Variants in MACO1 observed in about 807,000 individuals in gnomAD.
MACO1 encodes the protein macoilin.
MACO1 carries 14 observed loss-of-function variants against 78.7 expected under a neutral mutation model. The ratio of observed to expected loss-of-function variants is 0.18; its 90% CI spans 0.12 to 0.28. The LOEUF (loss-of-function observed/expected upper bound fraction) is 0.28, where lower values mean the gene tolerates loss of function less well. MACO1 is among the 10% of genes least tolerant of loss of function. The pLI, the probability that MACO1 is intolerant of heterozygous loss-of-function variation, is 1.00. For synonymous variants in MACO1, 288 were observed against 291.6 expected, an observed-to-expected ratio of 0.99 and a Z score of 0.12; for missense variants, 501 against 799.0, an observed-to-expected ratio of 0.63 and a Z score of 4.50.
At chr1:25,472,560 G>A (rs80102444) in intron 6 of MACO1, among the ~76,000 whole-genome samples, 2,742 of 152,280 alleles carry the variant, frequency 0.018, 31 homozygotes, top group Middle Eastern at 0.061. Context: ...AGATCCTCCA[G>A]GTTAGAATAT....
At chr1:25,452,757 C>T (rs1393639012) in intron 3 of MACO1, among the ~76,000 whole-genome samples, 12 of 143,596 alleles carry the variant, frequency 8.4e-5, no homozygotes, top group African/African-American at 2.6e-4. Context: ...AGTGCAGTGG[C>T]GCAATCTCGG....
At chr1:25,494,477 A>T (rs1404044842) in intron 10 of MACO1, among the ~76,000 whole-genome samples, 2 of 151,934 alleles carry the variant, frequency 1.3e-5, no homozygotes, top group Non-Finnish European at 2.9e-5. Context: ...AGGGTAGGGG[A>T]CCATGAACGA....
In MACO1 at chr1:25,474,219, C is replaced by T. The variant is rs562284706; in HGVS notation, c.1155-9897C>T. 2.6e-5 allele frequency among the ~76,000 whole-genome samples: 4 copies of T among 152,272 alleles called. No individual in the cohort carries two copies. In the South Asian group the frequency reaches 6.2e-4, roughly 24 times the overall value. ...TACTTTGGGGAGATGCTGAAAATAT[C>T]TTTACGTGAAACCTCTCAGTTAAAA... On this transcript the variant is annotated intron_variant, in intron 6 of 10. Coordinates refer to ENST00000374343, the MANE Select transcript of MACO1 (RefSeq NM_018202.6).
At chr1:25,434,751 A>G (rs2124565893) in intron 1 of MACO1, among the ~76,000 whole-genome samples, 1 of 152,322 alleles carries the variant, frequency 6.6e-6, no homozygotes, top group South Asian at 2.1e-4. Context: ...TTAAGTACCT[A>G]ACTCTTATAT....
chr1:25,498,642 G>A lies in MACO1; in HGVS notation c.*176G>A. On this transcript the variant is annotated 3_prime_UTR_variant, in exon 11 of 11. Transcript: ENST00000374343. The stretch of plus-strand genomic sequence containing the variant: ...CAAGTCTGATTAGAACTGCCCATCA[G>A]TTTTTCTTGTAAATTTTTAGAAGAC... The A allele has an allele frequency of 1.8e-6, 1 of 545,484 alleles. No homozygotes were observed. The highest frequency in any genetic ancestry group is 3.0e-6 in the Non-Finnish European group (1 of 328,710). The allele number at this position is 545,484 out of a possible 1,614,324, so 33.8% of individuals were successfully genotyped here. A position where few individuals can be genotyped will look rare whatever the true frequency, so the allele number is the denominator to read the frequency against.
rs955279889 is a variant in MACO1, at chr1:25,485,648, A to G, written c.1349A>G (p.Lys450Arg). The change falls in exon 8 of 11, where the codon AAG becomes AGG. Residue 450 changes from lysine (K) to arginine (R), a missense_variant. Transcript: ENST00000374343. The surrounding 1 kb of genome is among the most constrained non-coding windows in gnomAD (Gnocchi z 4.3). ...HNAVQMKQKD[K>R]QNISQLEKKL... is the part of the protein sequence containing the mutation. The stretch of plus-strand genomic sequence containing the variant: ...GCTGTGCAAATGAAGCAAAAAGACA[A>G]GCAGAATATCAGCCAGTTGGAGAAA... 2 of 1,614,142 alleles carry G rather than the reference A, an allele frequency of 1.2e-6. No individual in the cohort carries two copies. The highest frequency in any genetic ancestry group is 1.7e-5 in the Admixed American group (1 of 60,004).
chr1:25,488,805 A>T (rs770576732), intron 8 of MACO1, among the ~76,000 whole-genome samples: 18 of 151,460 alleles, frequency 1.2e-4, no homozygotes, highest in Non-Finnish European at 1.9e-4. Context: ...CTTTTTTAAA[A>T]TTTTATTTAT....
At chr1:25,447,640 A>C (rs2043027737) in intron 2 of MACO1, among the ~76,000 whole-genome samples, 1 of 152,226 alleles carries the variant, frequency 6.6e-6, no homozygotes, top group Non-Finnish European at 1.5e-5. Context: ...CTGTTACTGT[A>C]TCACATGTCA....
intron 6 of MACO1, among the ~76,000 whole-genome samples, chr1:25,468,528 A>G (rs1423468259): frequency 6.6e-6 from 1 of 152,208 alleles, no homozygotes; most frequent in Non-Finnish European, 1.5e-5. Flanking sequence ...CATGGAAAAG[A>G]AAGTGCCTTT....
At chr1:25,445,688 T>C (rs1160001795) in intron 1 of MACO1, among the ~76,000 whole-genome samples, 2 of 152,186 alleles carry the variant, frequency 1.3e-5, no homozygotes, top group Admixed American at 1.3e-4. Flanking sequence ...TTATTAAAAA[T>C]CTCAATTTTG....
chr1:25,431,211 G>A (rs770065342), intron 1 of MACO1, 33 bp downstream of exon 1: 13 of 1,553,042 alleles, frequency 8.4e-6, no homozygotes, highest in Non-Finnish European at 1.1e-5. Flanking sequence ...CGCGGGCGCG[G>A]GCCCTGCGGT....
At position 25,491,403 on chromosome 1, in the gene MACO1, T is replaced by C. The variant is rs1410931131; in HGVS notation, c.1618-7T>C. On this transcript the variant is annotated splice_region_variant and splice_polypyrimidine_tract_variant and intron_variant, in intron 9 of 10. Coordinates refer to ENST00000374343, the MANE Select transcript of MACO1 (RefSeq NM_018202.6). ...TTGTAGCATTGCTGTTTTGATGATA[T>C]TGATAGGAGCTTCGGAAATATAAGG... The C allele has an allele frequency of 2.5e-6, 4 of 1,614,110 alleles. No individual in the cohort carries two copies. The highest frequency in any genetic ancestry group is 1.7e-5 in the Admixed American group (1 of 60,022).
chr1:25,447,172 C>G (rs1386456432), intron 2 of MACO1, among the ~76,000 whole-genome samples: 1 of 151,964 alleles, frequency 6.6e-6, no homozygotes, highest in Non-Finnish European at 1.5e-5. Context: ...GGCATATTCC[C>G]TCCTCTTCCA....
At chr1:25,486,706 A>G (rs2043436200) in intron 8 of MACO1, among the ~76,000 whole-genome samples, 1 of 152,186 alleles carries the variant, frequency 6.6e-6, no homozygotes, top group African/African-American at 2.4e-5. Context: ...TTGCAGAATA[A>G]TTGGTGAATC....
chr1:25,488,077 GA>G (rs2043450916), intron 8 of MACO1, among the ~76,000 whole-genome samples: 1 of 152,242 alleles, frequency 6.6e-6, no homozygotes, highest in African/African-American at 2.4e-5. Context: ...TTTGAGACAG[GA>G]TATCATTCTG....
intron 5 of MACO1, among the ~76,000 whole-genome samples, chr1:25,457,857 T>C (rs1334201970): frequency 1.3e-5 from 2 of 152,238 alleles, no homozygotes; most frequent in Non-Finnish European, 2.9e-5. Flanking sequence ...AGTGGTCTGG[T>C]AAATGATACA....
At chr1:25,435,799 C>T (rs1485348302) in intron 1 of MACO1, among the ~76,000 whole-genome samples, 1 of 152,214 alleles carries the variant, frequency 6.6e-6, no homozygotes. Context: ...AATGTTTTCA[C>T]TAACCTGTGC....
intron 6 of MACO1, among the ~76,000 whole-genome samples, chr1:25,467,126 C>T (rs561991558): frequency 2.8e-4 from 43 of 152,124 alleles, no homozygotes; most frequent in African/African-American, 1.0e-3. Context: ...GGCATGGTGG[C>T]GCACACCTTT....
chr1:25,493,309 A>T (rs1230859460), intron 10 of MACO1, among the ~76,000 whole-genome samples: 1 of 150,676 alleles, frequency 6.6e-6, no homozygotes. Flanking sequence ...CACAGTCTCA[A>T]CTCACTGCAG....
Sources: allele counts gnomAD v4.1 joint callset (sites outside exome capture counted in the v4.1 genomes callset), GRCh38; gene constraint gnomAD v4.1.1; non-coding constraint Gnocchi (gnomAD v3.1); transcripts MANE v1.5; gene names NCBI Gene and HGNC (gene_info 2026-07-23, HGNC 2026-07-21).